Variants in TMPRSS12 observed in about 807,000 individuals in gnomAD.
The protein encoded by TMPRSS12 is transmembrane protease serine 12.
In TMPRSS12, 25 loss-of-function variants were observed where a neutral mutation model predicts 26.0. The ratio of observed to expected loss-of-function variants is 0.96; its 90% CI spans 0.70 to 1.34. The LOEUF (loss-of-function observed/expected upper bound fraction) is 1.34, where lower values mean the gene tolerates loss of function less well. Ranked by LOEUF, TMPRSS12 falls within the 40% of genes most tolerant of loss-of-function variation. The probability of loss-of-function intolerance (pLI) is 0.00; values close to 1 mark genes in which losing one functional copy is unlikely to be tolerated. For missense variants in TMPRSS12, 441 were observed against 440.1 expected, an observed-to-expected ratio of 1.00 and a Z score of -0.02; for synonymous variants, 150 against 161.7, an observed-to-expected ratio of 0.93 and a Z score of 0.55.
At chr12:50,869,473 A>T (rs1938021995) in intron 3 of TMPRSS12, among the ~76,000 whole-genome samples, 1 of 152,206 alleles carries the variant, frequency 6.6e-6, no homozygotes, top group African/African-American at 2.4e-5. Context: ...CCCTGAACAG[A>T]CCAATAAAAA....
intron 2 of TMPRSS12, among the ~76,000 whole-genome samples, chr12:50,852,518 C>T (rs1937835405): frequency 6.6e-6 from 1 of 152,240 alleles, no homozygotes; most frequent in Non-Finnish European, 1.5e-5. Context: ...TCAAGCAATT[C>T]TCCTACATCA....
chr12:50,872,889 A>C (rs1201547108), intron 3 of TMPRSS12, among the ~76,000 whole-genome samples: 2 of 110,198 alleles, frequency 1.8e-5, no homozygotes, highest in African/African-American at 3.2e-5. Flanking sequence ...TATATGACGT[A>C]TATATGTACA....
chr12:50,863,409 C>A (rs1937957168), intron 3 of TMPRSS12, among the ~76,000 whole-genome samples: 1 of 151,998 alleles, frequency 6.6e-6, no homozygotes, highest in Non-Finnish European at 1.5e-5. Context: ...TATGACCCAG[C>A]AATTGTACCC....
chr12:50,859,258 C>T (rs1937912672), intron 3 of TMPRSS12, among the ~76,000 whole-genome samples: 1 of 151,684 alleles, frequency 6.6e-6, no homozygotes. Context: ...CTCTGTTGCC[C>T]AGGATGGAGT....
chr12:50,883,627 G>A (rs1938196199), intron 3 of TMPRSS12, among the ~76,000 whole-genome samples: 1 of 152,210 alleles, frequency 6.6e-6, no homozygotes, highest in South Asian at 2.1e-4. Context: ...AGGTTGCAGT[G>A]AGTACGTCAC....
chr12:50,863,064 G>T (rs1481233175), intron 3 of TMPRSS12, among the ~76,000 whole-genome samples: 11 of 151,936 alleles, frequency 7.2e-5, no homozygotes, highest in African/African-American at 2.7e-4. Context: ...CATGTCTATA[G>T]TCCCAGCTAT....
chr12:50,860,392 C>T (rs1364446264), intron 3 of TMPRSS12, among the ~76,000 whole-genome samples: 2 of 152,074 alleles, frequency 1.3e-5, no homozygotes, highest in Non-Finnish European at 2.9e-5. Context: ...GTTTCAGGCC[C>T]TGTTTCTGTT....
intron 3 of TMPRSS12, among the ~76,000 whole-genome samples, chr12:50,862,039 A>G (rs1382707917): frequency 6.6e-6 from 1 of 152,042 alleles, no homozygotes; most frequent in African/African-American, 2.4e-5. Flanking sequence ...TGATCTCCTG[A>G]CCTCGTGATC....
At chr12:50,867,381 T>G (rs1295120825) in intron 3 of TMPRSS12, among the ~76,000 whole-genome samples, 1 of 151,698 alleles carries the variant, frequency 6.6e-6, no homozygotes, top group Non-Finnish European at 1.5e-5. Flanking sequence ...AAGAAAGAAA[T>G]TCAGAGCTCA....
At chr12:50,865,830 G>A (rs186456137) in intron 3 of TMPRSS12, among the ~76,000 whole-genome samples, 13 of 152,246 alleles carry the variant, frequency 8.5e-5, no homozygotes, top group East Asian at 1.9e-4. Flanking sequence ...TCCTGTTGCC[G>A]TGTGAAGATG....
chr12:50,866,300 TGGGAGTGAGAC>T (rs1343081659), intron 3 of TMPRSS12, among the ~76,000 whole-genome samples: 1 of 152,096 alleles, frequency 6.6e-6, no homozygotes, highest in Non-Finnish European at 1.5e-5. Flanking sequence ...AGGGGCATGG[TGGGAGTGAGAC>T]TGGCCCTTTG....
intron 3 of TMPRSS12, among the ~76,000 whole-genome samples, chr12:50,872,595 CGT>C (rs1491318869): frequency 8.4e-6 from 1 of 119,692 alleles, no homozygotes; most frequent in Non-Finnish European, 1.7e-5. Flanking sequence ...ATATATATGA[CGT>C]ATATGTACAT....
intron 2 of TMPRSS12, among the ~76,000 whole-genome samples, chr12:50,853,684 C>G (rs1937849268): frequency 6.6e-6 from 1 of 150,698 alleles, no homozygotes. Flanking sequence ...ATATAAAATA[C>G]CTTCAGAGAC....
At chr12:50,863,727 G>A (rs566317650) in intron 3 of TMPRSS12, among the ~76,000 whole-genome samples, 11 of 152,234 alleles carry the variant, frequency 7.2e-5, no homozygotes, top group African/African-American at 2.6e-4. Context: ...TATGCAGACA[G>A]AGAATAGATT....
chr12:50,875,489 C>CAAAA (rs56816598), intron 3 of TMPRSS12, among the ~76,000 whole-genome samples: 12 of 69,500 alleles, frequency 1.7e-4, no homozygotes, highest in African/African-American at 6.6e-4. Context: ...GACTCCATCT[C>CAAAA]AAAAAAAAAA....
chr12:50,845,732 C>G (rs569964328), intron 2 of TMPRSS12, among the ~76,000 whole-genome samples: 1 of 152,286 alleles, frequency 6.6e-6, no homozygotes, highest in East Asian at 1.9e-4. Context: ...TCCACCCTCC[C>G]TACTGATTAA....
intron 3 of TMPRSS12, among the ~76,000 whole-genome samples, chr12:50,878,305 G>C (rs1313193916): frequency 6.6e-6 from 1 of 152,166 alleles, no homozygotes; most frequent in South Asian, 2.1e-4. Flanking sequence ...TAGAGGCTGG[G>C]AGTGGTGGCT....
chr12:50,856,148 C>T (rs936752408), intron 2 of TMPRSS12, among the ~76,000 whole-genome samples: 4 of 152,158 alleles, frequency 2.6e-5, no homozygotes, highest in Non-Finnish European at 2.9e-5. Flanking sequence ...AACCCTGCCA[C>T]ACACAGTTTA....
chr12:50,882,048 T>TATATATATATA (rs1938180190), intron 3 of TMPRSS12, among the ~76,000 whole-genome samples: 1 of 129,886 alleles, frequency 7.7e-6, no homozygotes, highest in Admixed American at 8.0e-5. Context: ...TATATGTTTA[T>TATATATATATA]TTAGTTAGTT....
Sources: gnomAD v4.1 joint callset for allele counts (sites outside exome capture counted in the v4.1 genomes callset) on GRCh38, gnomAD v4.1.1 for gene constraint, MANE v1.5 for transcripts, NCBI Gene and HGNC (gene_info 2026-07-23, HGNC 2026-07-21) for gene names.